CNTN5: variants seen among roughly 807,000 people sequenced by gnomAD.
CNTN5 encodes the protein contactin 5, also known as contactin-5.
In CNTN5, 77 loss-of-function variants were observed where a neutral mutation model predicts 129.1. The ratio of observed to expected loss-of-function variants is 0.60; its 90% CI spans 0.50 to 0.72. CNTN5 has a LOEUF of 0.72. Ranked by LOEUF, CNTN5 falls within the 30% of genes least tolerant of loss-of-function variation. The probability of loss-of-function intolerance (pLI) is 0.00; values close to 1 mark genes in which losing one functional copy is unlikely to be tolerated. For synonymous variants in CNTN5, 509 were observed against 465.6 expected, an observed-to-expected ratio of 1.09 and a Z score of -1.20; for missense variants, 1,478 against 1,328.8, an observed-to-expected ratio of 1.11 and a Z score of -1.75.
chr11:99,633,905 A>G (rs1441866531), intron 3 of CNTN5, among the ~76,000 whole-genome samples: 1 of 152,198 alleles, frequency 6.6e-6, no homozygotes, highest in East Asian at 1.9e-4. Context: ...GAATTTCAGG[A>G]GAGAGTACAG....
chr11:100,297,271 G>C (rs2138882331), intron 18 of CNTN5, among the ~76,000 whole-genome samples: 1 of 151,298 alleles, frequency 6.6e-6, no homozygotes, highest in Non-Finnish European at 1.5e-5. Flanking sequence ...GCAAGCCCCG[G>C]GATAACAAAA....
rs920617278 is a variant in CNTN5 at position 99,408,464 on chromosome 11, A to C, written c.-71+82980A>C. Among the ~76,000 whole-genome samples the C allele has an allele frequency of 3.2e-4, 38 of 118,300 alleles. 1 individual carries two copies. The Admixed American group carries it at 3.2e-3, about 10-fold the overall frequency. 77.6% of individuals were successfully genotyped at this position (118,300 alleles called of 152,430 possible). On this transcript the variant is annotated intron_variant, in intron 2 of 24. Coordinates refer to ENST00000524871, the MANE Select transcript of CNTN5 (RefSeq NM_014361.4). ...AGAAAGAAAGAGAAAGAAAGAAAGA[A>C]AGAAAGAAAGAAAGAAAGAAAGAAA...
At chr11:99,061,125 G>A (rs906519793) in intron 1 of CNTN5, among the ~76,000 whole-genome samples, 4 of 152,080 alleles carry the variant, frequency 2.6e-5, no homozygotes, top group African/African-American at 2.4e-5. Context: ...ACTAGCCCAT[G>A]ATGCTTCTCT....
At position 99,546,381 on chromosome 11, in the gene CNTN5, A is replaced by G. The variant is rs545969938; in HGVS notation, c.-70-9764A>G. Among the ~76,000 whole-genome samples, 3 of 152,296 alleles carry G rather than the reference A, an allele frequency of 2.0e-5. No homozygotes were observed. In the East Asian group the frequency reaches 5.8e-4, roughly 29 times the overall value. The stretch of plus-strand genomic sequence containing the variant: ...CTTAAAAATACATATTCAAAAGGAT[A>G]CAGGAGGAACTATGAATCCCATTCA... On this transcript the variant is annotated intron_variant, in intron 2 of 24. Transcript: ENST00000524871.
chr11:99,771,542 A>G (rs1344296557), intron 3 of CNTN5, among the ~76,000 whole-genome samples: 2 of 152,012 alleles, frequency 1.3e-5, no homozygotes, highest in African/African-American at 2.4e-5. Flanking sequence ...CAAAATTAGC[A>G]AGACAAGGAA....
chr11:99,808,469 A>T (rs1183871136), intron 3 of CNTN5, among the ~76,000 whole-genome samples: 1 of 152,138 alleles, frequency 6.6e-6, no homozygotes, highest in Non-Finnish European at 1.5e-5. Flanking sequence ...TTTTCTTTTG[A>T]TATCTTTTCT....
intron 9 of CNTN5, among the ~76,000 whole-genome samples, chr11:100,045,951 CTTTTA>C (rs1792783498): frequency 6.6e-6 from 1 of 151,854 alleles, no homozygotes; most frequent in Admixed American, 6.6e-5. Context: ...TTATTAACAT[CTTTTA>C]TTTTATTTTA....
At chr11:99,748,890 T>G (rs1414448405) in intron 3 of CNTN5, among the ~76,000 whole-genome samples, 1 of 152,212 alleles carries the variant, frequency 6.6e-6, no homozygotes, top group Non-Finnish European at 1.5e-5. Flanking sequence ...CAGACATGCC[T>G]AGAGATAATA....
chr11:100,256,882 G>A (rs1950082705), intron 17 of CNTN5, among the ~76,000 whole-genome samples: 1 of 152,016 alleles, frequency 6.6e-6, no homozygotes, highest in South Asian at 2.1e-4. Context: ...AGCCATTTGG[G>A]CAGACATCCA....
intron 1 of CNTN5, among the ~76,000 whole-genome samples, chr11:99,236,036 C>T (rs1861242665): frequency 6.6e-6 from 1 of 152,106 alleles, no homozygotes; most frequent in African/African-American, 2.4e-5. Context: ...CACAGGTATG[C>T]TTCATTGTCA....
At chr11:99,773,364 T>A (rs986761875) in intron 3 of CNTN5, among the ~76,000 whole-genome samples, 1 of 152,152 alleles carries the variant, frequency 6.6e-6, no homozygotes, top group African/African-American at 2.4e-5. Context: ...TTAGTTGCAT[T>A]ACTTAAATGT....
At chr11:99,106,850 C>T (rs780944600) in intron 1 of CNTN5, among the ~76,000 whole-genome samples, 25 of 151,934 alleles carry the variant, frequency 1.6e-4, no homozygotes, top group African/African-American at 5.3e-4. Flanking sequence ...CACAGATGTC[C>T]GCTAAAAGGT....
intron 3 of CNTN5, among the ~76,000 whole-genome samples, chr11:99,651,699 A>T (rs897049869): frequency 6.6e-6 from 1 of 152,010 alleles, no homozygotes; most frequent in African/African-American, 2.4e-5. Flanking sequence ...TCACTTCCCT[A>T]ATATGCTTTT....
At chr11:100,119,463 C>T (rs1340047469) in intron 13 of CNTN5, among the ~76,000 whole-genome samples, 1 of 151,856 alleles carries the variant, frequency 6.6e-6, no homozygotes, top group Non-Finnish European at 1.5e-5. Flanking sequence ...CAAAACAGTT[C>T]TTACTAAGCT....
At chr11:99,198,302 G>A (rs1027043049) in intron 1 of CNTN5, among the ~76,000 whole-genome samples, 7 of 152,086 alleles carry the variant, frequency 4.6e-5, no homozygotes, top group Non-Finnish European at 8.8e-5. Context: ...GTTGGGTTAA[G>A]TACTAAAGAA....
intron 6 of CNTN5, among the ~76,000 whole-genome samples, chr11:99,891,046 C>T (rs938251609): frequency 2.0e-5 from 3 of 152,136 alleles, no homozygotes; most frequent in Non-Finnish European, 4.4e-5. Context: ...CTGAAAAAGA[C>T]ATGACAACAA....
At chr11:99,410,077 C>T (rs1009523492) in intron 2 of CNTN5, among the ~76,000 whole-genome samples, 1 of 151,980 alleles carries the variant, frequency 6.6e-6, no homozygotes, top group Non-Finnish European at 1.5e-5. Flanking sequence ...TTGTTGGAGG[C>T]TTAGTTTGCA....
chr11:99,813,398 A>G (rs1264585493), intron 3 of CNTN5, among the ~76,000 whole-genome samples: 5 of 152,182 alleles, frequency 3.3e-5, no homozygotes, highest in African/African-American at 9.6e-5. Context: ...ATGATTTACC[A>G]AATGGTCTAT....
intron 2 of CNTN5, among the ~76,000 whole-genome samples, chr11:99,447,067 T>C (rs1287418932): frequency 6.6e-6 from 1 of 152,210 alleles, no homozygotes; most frequent in African/African-American, 2.4e-5. Context: ...GAGAAGACTT[T>C]CTAAGCCAAA....
Sources: gnomAD v4.1 joint callset for allele counts (sites outside exome capture counted in the v4.1 genomes callset) on GRCh38, gnomAD v4.1.1 for gene constraint, MANE v1.5 for transcripts, NCBI Gene and HGNC (gene_info 2026-07-23, HGNC 2026-07-21) for gene names.